The following GTPBP6 variants were observed in gnomAD, a reference collection of about 807,000 sequenced individuals.
GTPBP6 encodes putative GTP-binding protein 6.
Under a neutral mutation model 28.9 loss-of-function variants are expected in GTPBP6, and 33 were observed. The ratio of observed to expected loss-of-function variants is 1.14; its 90% CI spans 0.87 to 1.53. GTPBP6 has a LOEUF of 1.53. Among genes scored for constraint, GTPBP6 ranks in the 40% most tolerant of loss-of-function variants. The probability of loss-of-function intolerance (pLI) is 0.00; values close to 1 mark genes in which losing one functional copy is unlikely to be tolerated. For missense variants in GTPBP6, 507 were observed against 408.3 expected, an observed-to-expected ratio of 1.24 and a Z score of -2.08; for synonymous variants, 231 against 192.7, an observed-to-expected ratio of 1.20 and a Z score of -1.65.
chrX:306,211 G>T (rs776690518), intron 9 of GTPBP6, among the ~76,000 whole-genome samples: 22 of 152,026 alleles, frequency 1.4e-4, no homozygotes, highest in Middle Eastern at 3.4e-3. Context: ...TGTACATTTT[G>T]ACTGTCAAGC....
At chrX:317,569 T>TGGGGG (rs1187572118) in intron 1 of GTPBP6, among the ~76,000 whole-genome samples, 31,993 of 117,320 alleles carry the variant, frequency 0.27, 5,231 homozygotes, top group African/African-American at 0.48. Flanking sequence ...GGGTGGGGGG[T>TGGGGG]GGGACTAGAC....
In GTPBP6 at chrX:305,319, C is replaced by G. The variant is rs947052203; in HGVS notation, c.1428-122G>C. 6.8e-6 allele frequency: 5 copies of G among 735,124 alleles called. No homozygotes were observed. The South Asian group carries it at 7.5e-5, about 11-fold the overall frequency. The allele number at this position is 735,124 out of a possible 1,614,324, so 45.5% of individuals were successfully genotyped here. A position where few individuals can be genotyped will look rare whatever the true frequency, so the allele number is the denominator to read the frequency against. ...ACCATTCATCAGACCGTCCTGTTTCCTTTTGTTTTTTTTTTTTTTTGAGAC... is the reference window on the plus strand; with the variant it reads ...ACCATTCATCAGACCGTCCTGTTTCGTTTTGTTTTTTTTTTTTTTTGAGAC... On this transcript the variant is annotated intron_variant, in intron 9 of 9. Coordinates refer to ENST00000326153, the Ensembl canonical transcript of GTPBP6.
At chrX:317,932 C>T in intron 1 of GTPBP6, among the ~76,000 whole-genome samples, 2 of 138,678 alleles carry the variant, frequency 1.4e-5, no homozygotes, top group Non-Finnish European at 1.5e-5. Context: ...CCTATGAGAT[C>T]CTCCCTTCAG....
intron 2 of GTPBP6, among the ~76,000 whole-genome samples, chrX:315,542 A>C (rs1683580490): frequency 7.5e-6 from 1 of 133,176 alleles, no homozygotes; most frequent in African/African-American, 3.7e-5. Flanking sequence ...ACACAAACAC[A>C]TACACACGCA....
intron 7 of GTPBP6, among the ~76,000 whole-genome samples, chrX:308,281 C>G (rs1259002027): frequency 6.6e-6 from 1 of 150,980 alleles, no homozygotes; most frequent in Non-Finnish European, 1.5e-5. Context: ...TTCTCACGTT[C>G]AAAAAAAATC....
chrX:312,368 G>A (rs749465565), intron 6 of GTPBP6: 3 of 480,520 alleles, frequency 6.2e-6, no homozygotes, highest in South Asian at 3.1e-5. Flanking sequence ...ATAGACAGAG[G>A]AGAGGTGATG....
intron 9 of GTPBP6, among the ~76,000 whole-genome samples, chrX:306,641 A>C (rs193147552): frequency 1.3e-5 from 2 of 148,518 alleles, no homozygotes; most frequent in African/African-American, 5.0e-5. Flanking sequence ...GACTGTCAGC[A>C]CAGATTAGGC....
At chrX:312,946 G>A in intron 5 of GTPBP6, 22 bp from the exon 6 acceptor site, 1 of 1,601,726 alleles carries the variant, frequency 6.2e-7, no homozygotes, top group Non-Finnish European at 8.5e-7. Flanking sequence ...CCGAGATGGT[G>A]AGGCGGTGAG....
In GTPBP6 at chrX:307,872, G is replaced by T. The variant is rs746488889; in HGVS notation, c.1134C>A (p.Ile378=). 28 of 1,528,116 alleles carry T rather than the reference G, an allele frequency of 1.8e-5. No homozygotes were observed. In the African/African-American group the frequency reaches 3.8e-4, roughly 20 times the overall value. 94.7% of individuals were successfully genotyped at this position (1,528,116 alleles called of 1,614,324 possible). A position where few individuals can be genotyped will look rare whatever the true frequency, so the allele number is the denominator to read the frequency against. Residue 378 remains isoleucine, a synonymous_variant, in exon 8 of 10, where the codon ATC becomes ATA. Coordinates refer to ENST00000326153, the Ensembl canonical transcript of GTPBP6. ...GGTGGCTGACGTCCCTCACGTGCAAGATGAGATCCTGTGGGCCGGGCCGTG... is the reference window on the plus strand; with the variant it reads ...GGTGGCTGACGTCCCTCACGTGCAATATGAGATCCTGTGGGCCGGGCCGTG...
At chrX:311,136 G>T (rs1229135856) in intron 7 of GTPBP6, among the ~76,000 whole-genome samples, 2 of 151,728 alleles carry the variant, frequency 1.3e-5, no homozygotes, top group Admixed American at 6.6e-5. Context: ...GGAGGCTTGG[G>T]GGACACTAAG....
chrX:316,677 CTAA>C (rs2070446291), intron 2 of GTPBP6, among the ~76,000 whole-genome samples: 1 of 152,148 alleles, frequency 6.6e-6, no homozygotes, highest in Admixed American at 6.5e-5. Flanking sequence ...CTGCCCCGAC[CTAA>C]TCTTTACCAG....
At chrX:312,021 G>T (rs1465588317) in intron 6 of GTPBP6, 44 of 494,838 alleles carry the variant, frequency 8.9e-5, no homozygotes, top group Admixed American at 1.0e-4. Flanking sequence ...TAGATGGGTG[G>T]ATATAGATAC....
At chrX:308,452 T>C (rs1458753360) in intron 7 of GTPBP6, among the ~76,000 whole-genome samples, 4 of 152,052 alleles carry the variant, frequency 2.6e-5, no homozygotes, top group East Asian at 1.9e-4. Flanking sequence ...TGAGGCACTT[T>C]GGGAGGTGGC....
At chrX:307,290 G>C in intron 9 of GTPBP6, 70 bp downstream of exon 9, 1 of 1,471,312 alleles carries the variant, frequency 6.8e-7, no homozygotes, top group Non-Finnish European at 9.4e-7. Flanking sequence ...CACCCACGAA[G>C]AGCCCGTTTC....
At chrX:316,648 G>C (rs1382926103) in intron 2 of GTPBP6, among the ~76,000 whole-genome samples, 2 of 152,138 alleles carry the variant, frequency 1.3e-5, no homozygotes, top group Admixed American at 6.6e-5. Flanking sequence ...CGCCTACCCT[G>C]TTTGTTGGAC....
rs749424787 is a variant in GTPBP6, at chrX:312,935, C to A, written c.758-11G>T. ...GCATGAAGGATTCTCCTAAAAGACA[C>A]CCGAGATGGTGAGGCGGTGAGCCAC... is the stretch of plus-strand genomic sequence containing the variant. On this transcript the variant is annotated splice_polypyrimidine_tract_variant and intron_variant, in intron 5 of 9. Coordinates refer to ENST00000326153, the Ensembl canonical transcript of GTPBP6. 16 of 1,606,362 alleles carry A rather than the reference C, an allele frequency of 1.0e-5. No individual in the cohort carries two copies. Among genetic ancestry groups the A allele is most frequent in the Non-Finnish European group, 1.7e-6 (2 of 1,175,444 alleles).
intron 5 of GTPBP6, 54 bp downstream of exon 5, chrX:314,096 G>C (rs984603438): frequency 7.6e-7 from 1 of 1,307,884 alleles, no homozygotes; most frequent in African/African-American, 1.9e-5. Flanking sequence ...GGTGGCTGCC[G>C]CTGACAACCG....
chrX:317,695 A>C (rs1440172251), intron 1 of GTPBP6, among the ~76,000 whole-genome samples: 2,216 of 74,670 alleles, frequency 0.03, 68 homozygotes, highest in African/African-American at 0.07. Flanking sequence ...CGGCCCACCC[A>C]ACCCCACCCC....
chrX:311,334 G>A lies in GTPBP6; in HGVS notation c.1125+85C>T, dbSNP rs1326765487. 1.3e-5 allele frequency: 11 copies of A among 837,044 alleles called. 1 individual carries two copies. Among genetic ancestry groups the A allele is most frequent in the African/African-American group, 4.0e-5 (2 of 50,514 alleles). The allele number at this position is 837,044 out of a possible 1,614,324, so 51.9% of individuals were successfully genotyped here. A position where few individuals can be genotyped will look rare whatever the true frequency, so the allele number is the denominator to read the frequency against. On this transcript the variant is annotated intron_variant, in intron 7 of 9. Transcript: ENST00000326153. Reference sequence around the variant, plus strand: ...GGGCTGAGTGGGTGTCCGAGGGCCCGACCCCTGGCTGTGTGTGTCTGAGTG... The same window carrying A: ...GGGCTGAGTGGGTGTCCGAGGGCCCAACCCCTGGCTGTGTGTGTCTGAGTG...
Sources: allele counts gnomAD v4.1 joint callset (sites outside exome capture counted in the v4.1 genomes callset), GRCh38; gene constraint gnomAD v4.1.1; transcripts MANE v1.5; gene names NCBI Gene and HGNC (gene_info 2026-07-23, HGNC 2026-07-21).